Variants in CAPZA2 observed in about 807,000 individuals in gnomAD.
CAPZA2 encodes the protein F-actin-capping protein subunit alpha-2.
Under a neutral mutation model 44.0 loss-of-function variants are expected in CAPZA2, and 13 were observed. The observed-to-expected ratio is 0.30, with a 90% CI of 0.19 to 0.47. CAPZA2 has a LOEUF of 0.47. Among genes scored for constraint, CAPZA2 ranks in the 20% least tolerant of loss-of-function variants. The probability of loss-of-function intolerance (pLI) is 1.00; values close to 1 mark genes in which losing one functional copy is unlikely to be tolerated. For missense variants in CAPZA2, 244 were observed against 338.6 expected (o/e 0.72, Z 2.19); for synonymous variants, 94 against 108.2 (o/e 0.87, Z 0.81).
At chr7:116,901,393 A>G (rs1796992525) in intron 4 of CAPZA2, among the ~76,000 whole-genome samples, 1 of 152,168 alleles carries the variant, frequency 6.6e-6, no homozygotes, top group African/African-American at 2.4e-5. Context: ...TATTCTTAGC[A>G]GACTAATAAA....
At chr7:116,917,526 G>A (rs968826601) in intron 9 of CAPZA2, among the ~76,000 whole-genome samples, 2 of 152,036 alleles carry the variant, frequency 1.3e-5, no homozygotes, top group African/African-American at 4.8e-5. Context: ...CAAAGTGCTG[G>A]GATTACAGGC....
At chr7:116,863,387 G>C (rs1796443000) in intron 1 of CAPZA2, among the ~76,000 whole-genome samples, 1 of 152,196 alleles carries the variant, frequency 6.6e-6, no homozygotes, top group Non-Finnish European at 1.5e-5. Flanking sequence ...CCCCCCCGGG[G>C]GTCGATTTGG....
At chr7:116,883,162 A>G (rs571576664) in intron 1 of CAPZA2, among the ~76,000 whole-genome samples, 12 of 152,250 alleles carry the variant, frequency 7.9e-5, no homozygotes, top group Admixed American at 4.6e-4. Context: ...ATAATTCCCA[A>G]CGGTAAATAG....
intron 4 of CAPZA2, among the ~76,000 whole-genome samples, chr7:116,901,881 A>ATATGTG (rs375500363): frequency 0.059 from 8,316 of 140,760 alleles, 325 homozygotes; most frequent in African/African-American, 0.1. Flanking sequence ...TAACGAAGAA[A>ATATGTG]TGTGTGTGTG....
At chr7:116,911,013 G>T (rs200984613) in intron 7 of CAPZA2, among the ~76,000 whole-genome samples, 1 of 109,538 alleles carries the variant, frequency 9.1e-6, no homozygotes, top group Non-Finnish European at 1.9e-5. Context: ...AAAAAAAAAA[G>T]CATACGTGAT....
At chr7:116,892,122 A>G (rs1353829850) in intron 2 of CAPZA2, among the ~76,000 whole-genome samples, 3 of 152,226 alleles carry the variant, frequency 2.0e-5, no homozygotes, top group Non-Finnish European at 4.4e-5. Context: ...GTTGGTAAAT[A>G]TAAGTGTACA....
intron 7 of CAPZA2, among the ~76,000 whole-genome samples, chr7:116,911,222 A>T (rs2115975664): frequency 6.6e-6 from 1 of 152,288 alleles, no homozygotes; most frequent in South Asian, 2.1e-4. Context: ...TGTCTGATTC[A>T]CAGTACAGTC....
intron 3 of CAPZA2, among the ~76,000 whole-genome samples, chr7:116,896,931 C>G (rs1016401473): frequency 1.3e-5 from 2 of 152,034 alleles, no homozygotes; most frequent in African/African-American, 4.8e-5. Context: ...ATGGTTGAAG[C>G]AAAATTTGGA....
At chr7:116,897,604 T>G (rs1210559533) in intron 3 of CAPZA2, among the ~76,000 whole-genome samples, 2 of 152,176 alleles carry the variant, frequency 1.3e-5, no homozygotes, top group Non-Finnish European at 2.9e-5. Context: ...GAGATGTATT[T>G]CTGAGTTTGG....
intron 8 of CAPZA2, 117 bp downstream of exon 8, chr7:116,912,257 TTAAAGA>T: frequency 6.8e-7 from 1 of 1,463,942 alleles, no homozygotes; most frequent in Non-Finnish European, 9.1e-7. Flanking sequence ...TTCTGATAGA[TTAAAGA>T]TAAGTAATTG....
chr7:116,886,541 T>C (rs940826284), intron 1 of CAPZA2, among the ~76,000 whole-genome samples: 1 of 152,222 alleles, frequency 6.6e-6, no homozygotes, highest in South Asian at 2.1e-4. Context: ...AGTTTCTACA[T>C]CAAAGCAATG....
At chr7:116,872,826 A>G (rs1264713363) in intron 1 of CAPZA2, among the ~76,000 whole-genome samples, 3 of 152,228 alleles carry the variant, frequency 2.0e-5, no homozygotes, top group African/African-American at 4.8e-5. Flanking sequence ...AGTAAAACCT[A>G]TAAGTCATTT....
At chr7:116,881,490 A>C (rs183880931) in intron 1 of CAPZA2, among the ~76,000 whole-genome samples, 1 of 152,252 alleles carries the variant, frequency 6.6e-6, no homozygotes, top group Non-Finnish European at 1.5e-5. Flanking sequence ...CTGTAATCCC[A>C]GCACTTCGGG....
chr7:116,901,258 A>G (rs2115951846), intron 4 of CAPZA2, among the ~76,000 whole-genome samples: 1 of 152,300 alleles, frequency 6.6e-6, no homozygotes, highest in South Asian at 2.1e-4. Flanking sequence ...GAATCAATCT[A>G]AATATCAGTG....
At chr7:116,892,715 A>G (rs1796864667) in intron 2 of CAPZA2, among the ~76,000 whole-genome samples, 1 of 151,686 alleles carries the variant, frequency 6.6e-6, no homozygotes. Flanking sequence ...ATCCTAGGCC[A>G]TGGGTTGGAC....
Position 116,888,154 on chromosome 7 carries a change from C to T in CAPZA2, c.67C>T (p.His23Tyr). 1 of 1,611,320 alleles carries T rather than the reference C, an allele frequency of 6.2e-7. No homozygotes were observed. ...GCGTATAGCAGCAAAATTCATCATTCATGCCCCTCCTGGAGAATTTAATGA... is the reference window on the plus strand; with the variant it reads ...GCGTATAGCAGCAAAATTCATCATTTATGCCCCTCCTGGAGAATTTAATGA... ...KVRIAAKFII[H>Y]APPGEFNEVF... Residue 23 changes from histidine (H) to tyrosine (Y), a missense_variant, in exon 2 of 10, where the codon CAT (histidine) becomes TAT (tyrosine). Physicochemically the swap from His to Tyr is moderately conservative, Grantham distance 83. Transcript: ENST00000361183.
chr7:116,910,866 C>T (rs1791582759), intron 7 of CAPZA2, among the ~76,000 whole-genome samples: 1 of 151,654 alleles, frequency 6.6e-6, no homozygotes, highest in Admixed American at 6.6e-5. Context: ...TTACACGTGC[C>T]TGTAGTCCCA....
chr7:116,912,742 T>A (rs543380441), intron 8 of CAPZA2, among the ~76,000 whole-genome samples: 1 of 152,374 alleles, frequency 6.6e-6, no homozygotes, highest in Admixed American at 6.5e-5. Context: ...TGGACATTTC[T>A]GTGTTCTACT....
intron 4 of CAPZA2, among the ~76,000 whole-genome samples, chr7:116,899,096 T>C (rs1321874702): frequency 6.6e-6 from 1 of 152,026 alleles, no homozygotes; most frequent in Non-Finnish European, 1.5e-5. Context: ...CTTATTTTTT[T>C]CTGGGAAAAA....
Sources: gnomAD v4.1 joint callset for allele counts (sites outside exome capture counted in the v4.1 genomes callset) on GRCh38, gnomAD v4.1.1 for gene constraint, MANE v1.5 for transcripts, NCBI Gene and HGNC (gene_info 2026-07-23, HGNC 2026-07-21) for gene names.